Variants in CCDC85A observed in about 807,000 individuals in gnomAD.
CCDC85A encodes coiled-coil domain-containing protein 85A.
In CCDC85A, 38 loss-of-function variants were observed where a neutral mutation model predicts 50.2. The observed-to-expected ratio is 0.76, with a 90% CI of 0.58 to 0.99. The LOEUF (loss-of-function observed/expected upper bound fraction) is 0.99, where lower values mean the gene tolerates loss of function less well. Among genes scored for constraint, CCDC85A ranks in the 50% least tolerant of loss-of-function variants. CCDC85A has a pLI of 0.00. For synonymous variants in CCDC85A, 366 were observed against 301.4 expected (o/e 1.21, Z -2.22); for missense variants, 820 against 742.0 (o/e 1.11, Z -1.22).
At chr2:56,319,144 C>T (rs1181420816) in intron 2 of CCDC85A, among the ~76,000 whole-genome samples, 2 of 152,090 alleles carry the variant, frequency 1.3e-5, no homozygotes, top group Non-Finnish European at 2.9e-5. Flanking sequence ...TAATAAATAG[C>T]TAGAAGGAGC....
chr2:56,343,808 A>C (rs1674493547), intron 3 of CCDC85A, among the ~76,000 whole-genome samples: 1 of 152,252 alleles, frequency 6.6e-6, no homozygotes. Flanking sequence ...TCAAACAACT[A>C]GTAAGCAGTA....
At chr2:56,341,779 G>A (rs1674383670) in intron 2 of CCDC85A, among the ~76,000 whole-genome samples, 1 of 152,134 alleles carries the variant, frequency 6.6e-6, no homozygotes, top group Non-Finnish European at 1.5e-5. Context: ...TCTGCTCCTG[G>A]TTTACCTAAA....
chr2:56,379,731 T>G (rs1676496934), intron 5 of CCDC85A: 1 of 937,222 alleles, frequency 1.1e-6, no homozygotes, highest in South Asian at 4.9e-5. Flanking sequence ...AATTTGCTTT[T>G]CTTTTTCAAC....
rs777855329 is a variant in CCDC85A, at chr2:56,193,198, G to C, written c.998G>C (p.Gly333Ala). The C allele has an allele frequency of 6.2e-7, 1 of 1,613,086 alleles. No homozygotes were observed. Among genetic ancestry groups the C allele is most frequent in the South Asian group, 1.1e-5 (1 of 91,010 alleles). Reference sequence around the variant, plus strand: ...AGCCCTGAACACGCCAGGCACAGTGGAGGGAGCCCGGAGCATCTTCAGAAA... The same window carrying C: ...AGCCCTGAACACGCCAGGCACAGTGCAGGGAGCCCGGAGCATCTTCAGAAA... ...GSSPEHARHS[G>A]GSPEHLQKHA... Residue 333 changes from glycine (G) to alanine (A), a missense_variant, in exon 2 of 6, where the codon GGA (glycine) becomes GCA (alanine). Transcript: ENST00000407595.
intron 2 of CCDC85A, among the ~76,000 whole-genome samples, chr2:56,321,862 T>C (rs144122223): frequency 0.01 from 1,566 of 152,280 alleles, 23 homozygotes; most frequent in African/African-American, 0.035. Context: ...AGAACAAAGC[T>C]GGAGGCATCA....
At chr2:56,284,691 A>C (rs890345103) in intron 2 of CCDC85A, among the ~76,000 whole-genome samples, 1 of 151,998 alleles carries the variant, frequency 6.6e-6, no homozygotes, top group Non-Finnish European at 1.5e-5. Flanking sequence ...CTAAATCCTT[A>C]CTAATGTTTG....
intron 3 of CCDC85A, among the ~76,000 whole-genome samples, chr2:56,368,333 G>C (rs1675909082): frequency 6.6e-6 from 1 of 152,088 alleles, no homozygotes; most frequent in African/African-American, 2.4e-5. Context: ...CTCTTGGAGA[G>C]GGTTTGCCAA....
chr2:56,218,423 T>G lies in CCDC85A; in HGVS notation c.1240+24983T>G, dbSNP rs1216112019. Among the ~76,000 whole-genome samples the G allele has an allele frequency of 3.3e-5, 5 of 152,032 alleles. No homozygotes were observed. In the East Asian group the frequency reaches 9.7e-4, roughly 30 times the overall value. On this transcript the variant is annotated intron_variant, in intron 2 of 5. Transcript: ENST00000407595. ...AATTCAAGAAGATGAAAACACCATC[T>G]TCCAGCCACACAAACATAACCATTG...
In CCDC85A at chr2:56,225,899, A is replaced by G. The variant is rs1057105957; in HGVS notation, c.1240+32459A>G. Among the ~76,000 whole-genome samples, 3 of 152,198 alleles carry G rather than the reference A, an allele frequency of 2.0e-5. No individual in the cohort carries two copies. In the East Asian group the frequency reaches 5.8e-4, roughly 29 times the overall value. On this transcript the variant is annotated intron_variant, in intron 2 of 5. Transcript: ENST00000407595. ...GTAAAAATCCTTCTGTTATATAAAG[A>G]TGCTTATTATATTTCCAGCTAACTC...
chr2:56,264,297 C>G (rs527508298), intron 2 of CCDC85A, among the ~76,000 whole-genome samples: 1 of 152,106 alleles, frequency 6.6e-6, no homozygotes, highest in East Asian at 1.9e-4. Context: ...GGTTTTCACA[C>G]CTAACATGTC....
intron 2 of CCDC85A, among the ~76,000 whole-genome samples, chr2:56,312,080 A>G (rs1050893352): frequency 6.6e-6 from 1 of 152,154 alleles, no homozygotes; most frequent in Non-Finnish European, 1.5e-5. Flanking sequence ...CTGCTTTTCT[A>G]TCTTTGAATG....
chr2:56,192,637 A>G lies in CCDC85A; in HGVS notation c.437A>G (p.Gln146Arg). 1.2e-6 allele frequency: 2 copies of G among 1,613,962 alleles called. No homozygotes were observed. The highest frequency in any genetic ancestry group is 1.7e-6 in the Non-Finnish European group (2 of 1,179,864). Residue 146 changes from glutamine to arginine, a missense_variant, in exon 2 of 6, where the codon CAG (glutamine) becomes CGG (arginine). By Grantham distance (43) the Gln-to-Arg change is conservative. Transcript: ENST00000407595. This position sits in a 1 kb window ranked among gnomAD's most constrained non-coding sequence, Gnocchi z 4.7. ...CACAAGGAAGTGGCCTTATACCTGC[A>G]GAAGCTGAAAGACCTGGAGGTGAAG... ...VMHKEVALYL[Q>R]KLKDLEVKQE...
chr2:56,279,922 C>T (rs925897067), intron 2 of CCDC85A, among the ~76,000 whole-genome samples: 1 of 152,270 alleles, frequency 6.6e-6, no homozygotes, highest in Non-Finnish European at 1.5e-5. Flanking sequence ...CTCTTTGATA[C>T]ACTGATTTTA....
At chr2:56,200,604 T>G (rs902653360) in intron 2 of CCDC85A, among the ~76,000 whole-genome samples, 1 of 152,210 alleles carries the variant, frequency 6.6e-6, no homozygotes, top group Non-Finnish European at 1.5e-5. Flanking sequence ...CCTCTGCTCT[T>G]TCTTAGATAG....
intron 2 of CCDC85A, among the ~76,000 whole-genome samples, chr2:56,317,942 T>C (rs766830338): frequency 1.3e-5 from 2 of 152,138 alleles, no homozygotes; most frequent in African/African-American, 2.4e-5. Flanking sequence ...CAATCCATCT[T>C]CTTTATTCTT....
intron 2 of CCDC85A, among the ~76,000 whole-genome samples, chr2:56,325,307 T>C (rs185709283): frequency 6.6e-6 from 1 of 152,242 alleles, no homozygotes; most frequent in Admixed American, 6.6e-5. Flanking sequence ...TAATAGTTAC[T>C]TTAGGTGTAG....
At chr2:56,379,982 TG>T (rs1290476966) in intron 5 of CCDC85A, 2 of 162,150 alleles carry the variant, frequency 1.2e-5, no homozygotes, top group African/African-American at 4.8e-5. Context: ...CAATTTCCCT[TG>T]TTTTTATTTT....
At chr2:56,199,872 A>G (rs539069279) in intron 2 of CCDC85A, among the ~76,000 whole-genome samples, 2 of 152,030 alleles carry the variant, frequency 1.3e-5, no homozygotes, top group Non-Finnish European at 2.9e-5. Context: ...TTTGCTTTTT[A>G]TTTTTATTTT....
intron 2 of CCDC85A, among the ~76,000 whole-genome samples, chr2:56,315,804 A>G (rs1361317210): frequency 1.3e-5 from 2 of 152,164 alleles, no homozygotes; most frequent in Non-Finnish European, 2.9e-5. Flanking sequence ...ACCTTCTCAA[A>G]TAAAATATAT....
Sources: gnomAD v4.1 joint callset for allele counts (sites outside exome capture counted in the v4.1 genomes callset) on GRCh38, gnomAD v4.1.1 for gene constraint, Gnocchi (gnomAD v3.1) non-coding constraint, MANE v1.5 for transcripts, NCBI Gene and HGNC (gene_info 2026-07-23, HGNC 2026-07-21) for gene names.